DAAM2: variants seen among roughly 807,000 people sequenced by gnomAD.
The protein encoded by DAAM2 is dishevelled associated activator of morphogenesis 2.
A neutral mutation model predicts 120.7 loss-of-function variants in DAAM2; 39 were observed. That is an observed-to-expected ratio of 0.32 (90% CI 0.25 to 0.42). DAAM2 has a LOEUF of 0.42. DAAM2 is among the 10% of genes least tolerant of loss of function. The pLI is 1.00. For synonymous variants in DAAM2, 488 were observed against 524.9 expected (o/e 0.93, Z 0.96); for missense variants, 1,283 against 1,401.7 (o/e 0.92, Z 1.35).
chr6:39,830,368 C>T lies in DAAM2; in HGVS notation c.-56-25879C>T, dbSNP rs966537385. ...GCCACAGGCTGGAGTCGCTGGGGTC[C>T]GGTGAGTCCTCTGTGACTGTCATTC... On this transcript the variant is annotated intron_variant, in intron 1 of 24. Coordinates refer to ENST00000274867, the MANE Select transcript of DAAM2 (RefSeq NM_001201427.2). 5.9e-5 allele frequency among the ~76,000 whole-genome samples: 9 copies of T among 152,244 alleles called. No homozygotes were observed. The South Asian group carries it at 8.3e-4, about 14-fold the overall frequency.
rs886061379 is a variant in DAAM2 at position 39,904,646 on chromosome 6, C to T, written c.*2609C>T. ...TGAATGGGGAAGGGTCTGTTCCAGC[C>T]TCTCCCTACTCCCATCCCATTTCCA... On this transcript the variant is annotated 3_prime_UTR_variant, in exon 25 of 25. Transcript: ENST00000274867. 1 of 454,122 alleles carries T rather than the reference C, an allele frequency of 2.2e-6. No individual in the cohort carries two copies. Among genetic ancestry groups the T allele is most frequent in the South Asian group, 1.6e-5 (1 of 64,464 alleles). 28.1% of individuals were successfully genotyped at this position (454,122 alleles called of 1,614,324 possible).
At chr6:39,835,479 C>A (rs533474387) in intron 1 of DAAM2, among the ~76,000 whole-genome samples, 2 of 152,308 alleles carry the variant, frequency 1.3e-5, no homozygotes, top group South Asian at 2.1e-4. Flanking sequence ...GAGCTCCCAA[C>A]TCTGGACTCC....
At position 39,904,264 on chromosome 6, in the gene DAAM2, T is replaced by TA. The variant is rs1562074194; in HGVS notation, c.*2231dup. On this transcript the variant is annotated 3_prime_UTR_variant, in exon 25 of 25. Transcript: ENST00000274867. ...GTTCCAGAGCTCAGCCTTCTCACTC[T>TA]AAAAGAAAGATATTTTTCTATTTAT... The TA allele has an allele frequency of 2.2e-6, 1 of 456,780 alleles. No individual in the cohort carries two copies. The highest frequency in any genetic ancestry group is 4.4e-6 in the Non-Finnish European group (1 of 226,986). 28.3% of individuals were successfully genotyped at this position (456,780 alleles called of 1,614,324 possible). A position where few individuals can be genotyped will look rare whatever the true frequency, so the allele number is the denominator to read the frequency against.
rs746823145 is a variant in DAAM2 at position 39,803,472 on chromosome 6, G to A, written c.-57+11007G>A. Among the ~76,000 whole-genome samples, 3 of 152,128 alleles carry A rather than the reference G, an allele frequency of 2.0e-5. No homozygotes were observed. The East Asian group carries it at 5.8e-4, about 29-fold the overall frequency. On this transcript the variant is annotated intron_variant, in intron 1 of 24. Transcript: ENST00000274867. ...AGCAGGCAGTGTGCCAGGCATTTTC[G>A]CTTACACTGTTTCACCAAATCCTCA...
At position 39,802,826 on chromosome 6, in the gene DAAM2, T is replaced by C. The variant is rs2114013049; in HGVS notation, c.-57+10361T>C. Among the ~76,000 whole-genome samples, 2 of 152,278 alleles carry C rather than the reference T, an allele frequency of 1.3e-5. 1 individual carries two copies. The highest frequency in any genetic ancestry group is 4.1e-4 in the South Asian group (2 of 4,820). On this transcript the variant is annotated intron_variant, in intron 1 of 24. Coordinates refer to ENST00000274867, the MANE Select transcript of DAAM2 (RefSeq NM_001201427.2). ...TGTAGCTCAATATATTTCCATAAAC[T>C]GAACATCCACCACCCCAGCCCTGCC... is the stretch of plus-strand genomic sequence containing the variant.
intron 1 of DAAM2, among the ~76,000 whole-genome samples, chr6:39,813,790 G>A (rs1357641481): frequency 6.6e-6 from 1 of 152,154 alleles, no homozygotes; most frequent in Non-Finnish European, 1.5e-5. Context: ...GGCAGTTAAT[G>A]TTTCCAGTCT....
intron 14 of DAAM2, 189 bp from the exon 15 acceptor site, chr6:39,883,773 C>T (rs1215936637): frequency 2.8e-5 from 16 of 569,242 alleles, no homozygotes; most frequent in Non-Finnish European, 4.1e-5. Context: ...TGTCTCTGGC[C>T]TCTACCCTGG....
At position 39,864,436 on chromosome 6, in the gene DAAM2, CAGG is replaced by C; in HGVS notation, c.267_269del (p.Glu89del). On this transcript the variant is annotated inframe_deletion, in exon 4 of 25. Transcript: ENST00000274867. ...GCTGTCCTTTTTCTTGTTTCAGGAGCAGGAGGACCCCAACAAGCTGGCAACCAG... is the reference window on the plus strand; with the variant it reads ...GCTGTCCTTTTTCTTGTTTCAGGAGCAGGACCCCAACAAGCTGGCAACCAG... 1 of 1,612,702 alleles carries C rather than the reference CAGG, an allele frequency of 6.2e-7. No homozygotes were observed. Among genetic ancestry groups the C allele is most frequent in the Non-Finnish European group, 8.5e-7 (1 of 1,179,536 alleles).
At chr6:39,824,754 C>T (rs1562006082) in intron 1 of DAAM2, among the ~76,000 whole-genome samples, 2 of 152,118 alleles carry the variant, frequency 1.3e-5, no homozygotes, top group South Asian at 2.1e-4. Context: ...GAGCAGGTTC[C>T]GCGGAAGTCG....
At position 39,903,689 on chromosome 6, in the gene DAAM2, C is replaced by T. The variant is rs1766614977; in HGVS notation, c.*1652C>T. ...ACTGGTGAGCTGGGCCTACTCTCAGCTGCCTATCTTCTGCCTTTCACTTGC... is the reference window on the plus strand; with the variant it reads ...ACTGGTGAGCTGGGCCTACTCTCAGTTGCCTATCTTCTGCCTTTCACTTGC... On this transcript the variant is annotated 3_prime_UTR_variant, in exon 25 of 25. Transcript: ENST00000274867. 6.1e-6 allele frequency: 1 copy of T among 164,522 alleles called. No homozygotes were observed. The highest frequency in any genetic ancestry group is 5.7e-5 in the Admixed American group (1 of 17,598). The allele number at this position is 164,522 out of a possible 1,614,324, so 10.2% of individuals were successfully genotyped here. A position where few individuals can be genotyped will look rare whatever the true frequency, so the allele number is the denominator to read the frequency against.
rs954119964 is a variant in DAAM2, at chr6:39,878,954, G to C, written c.1546-224G>C. Among the ~76,000 whole-genome samples the C allele has an allele frequency of 6.6e-6, 1 of 152,064 alleles. No homozygotes were observed. Among genetic ancestry groups the C allele is most frequent in the Non-Finnish European group, 1.5e-5 (1 of 68,022 alleles). Reference sequence around the variant, plus strand: ...CTATGACTCTGATTGTCCAGTGTCCGTGTGCGTGACGTGTGTGTGTCTGTG... The same window carrying C: ...CTATGACTCTGATTGTCCAGTGTCCCTGTGCGTGACGTGTGTGTGTCTGTG... On this transcript the variant is annotated intron_variant, in intron 13 of 24. Transcript: ENST00000274867. This position sits in a 1 kb window ranked among gnomAD's most constrained non-coding sequence, Gnocchi z 5.0.
In DAAM2 at chr6:39,901,579, G is replaced by C. The variant is rs1157293807; in HGVS notation, c.2982+107G>C. 32 of 1,271,144 alleles carry C rather than the reference G, an allele frequency of 2.5e-5. No homozygotes were observed. Among genetic ancestry groups the C allele is most frequent in the Non-Finnish European group, 1.1e-6 (1 of 931,400 alleles). The allele number at this position is 1,271,144 out of a possible 1,614,324, so 78.7% of individuals were successfully genotyped here. ...GGAGGGCAGAGACTGAGGAACTGAG[G>C]AACACCATAGGGGTTGGATGTCAGC... On this transcript the variant is annotated intron_variant, in intron 24 of 24. Coordinates refer to ENST00000274867, the MANE Select transcript of DAAM2 (RefSeq NM_001201427.2). This position sits in a 1 kb window ranked among gnomAD's most constrained non-coding sequence, Gnocchi z 4.5.
chr6:39,839,277 C>G (rs2149248770), intron 1 of DAAM2, among the ~76,000 whole-genome samples: 1 of 152,238 alleles, frequency 6.6e-6, no homozygotes, highest in South Asian at 2.1e-4. Context: ...TGCCTGCATC[C>G]AAATCTCCTG....
Position 39,904,376 on chromosome 6 carries a change from C to T in DAAM2, c.*2339C>T, listed in dbSNP as rs1231853944. 2.2e-6 allele frequency: 1 copy of T among 456,476 alleles called. No homozygotes were observed. The highest frequency in any genetic ancestry group is 2.0e-5 in the African/African-American group (1 of 50,072). 28.3% of individuals were successfully genotyped at this position (456,476 alleles called of 1,614,324 possible). A position where few individuals can be genotyped will look rare whatever the true frequency, so the allele number is the denominator to read the frequency against. On this transcript the variant is annotated 3_prime_UTR_variant, in exon 25 of 25. Coordinates refer to ENST00000274867, the MANE Select transcript of DAAM2 (RefSeq NM_001201427.2). ...CCTTGGACCATGGACTCATACTCAA[C>T]TGAGTAAGAAGGGGCTGGTGCCCAG... is the stretch of plus-strand genomic sequence containing the variant.
At chr6:39,890,966 T>A (rs1386365764) in intron 17 of DAAM2, among the ~76,000 whole-genome samples, 1 of 151,936 alleles carries the variant, frequency 6.6e-6, no homozygotes, top group African/African-American at 2.4e-5. Flanking sequence ...ATGTGCTACA[T>A]GCCTATATTC....
At chr6:39,880,052 GC>G (rs1317391760) in intron 14 of DAAM2, 1 of 167,050 alleles carries the variant, frequency 6.0e-6, no homozygotes, top group African/African-American at 2.4e-5. Flanking sequence ...ACTCCCATGA[GC>G]ATAGAGTAGA....
intron 1 of DAAM2, among the ~76,000 whole-genome samples, chr6:39,825,686 G>C (rs1372025390): frequency 6.6e-6 from 1 of 152,162 alleles, no homozygotes; most frequent in African/African-American, 2.4e-5. Flanking sequence ...AGTCAAGGGA[G>C]CATAGGTGGG....
chr6:39,813,378 A>G (rs1317048402), intron 1 of DAAM2, among the ~76,000 whole-genome samples: 1 of 152,152 alleles, frequency 6.6e-6, no homozygotes, highest in Non-Finnish European at 1.5e-5. Context: ...CAGAAGATCT[A>G]AGGTAAATGA....
At chr6:39,824,738 C>T (rs751879884) in intron 1 of DAAM2, among the ~76,000 whole-genome samples, 12 of 152,224 alleles carry the variant, frequency 7.9e-5, no homozygotes, top group African/African-American at 1.2e-4. Flanking sequence ...GGTGCCTTCT[C>T]GGCAAGAGCA....
Sources: allele counts gnomAD v4.1 joint callset (sites outside exome capture counted in the v4.1 genomes callset), GRCh38; gene constraint gnomAD v4.1.1; non-coding constraint Gnocchi (gnomAD v3.1); transcripts MANE v1.5; gene names NCBI Gene and HGNC (gene_info 2026-07-23, HGNC 2026-07-21).